Variants in CACNA2D1 observed in about 807,000 individuals in gnomAD.
The protein encoded by CACNA2D1 is calcium voltage-gated channel auxiliary subunit alpha2delta 1, also known as voltage-dependent calcium channel subunit alpha-2/delta-1.
CACNA2D1 carries 53 observed loss-of-function variants against 171.5 expected under a neutral mutation model. The observed-to-expected ratio is 0.31, with a 90% confidence interval of 0.25 to 0.39. CACNA2D1 has a LOEUF of 0.39. Ranked by LOEUF, CACNA2D1 falls within the 10% of genes least tolerant of loss-of-function variation. The pLI, the probability that CACNA2D1 is intolerant of heterozygous loss-of-function variation, is 1.00. For synonymous variants in CACNA2D1, 442 were observed against 443.1 expected (o/e 1.00, Z 0.03); for missense variants, 903 against 1,299.8 (o/e 0.69, Z 4.69).
chr7:82,243,849 T>C (rs977263743), intron 3 of CACNA2D1, among the ~76,000 whole-genome samples: 3 of 152,160 alleles, frequency 2.0e-5, no homozygotes, highest in Non-Finnish European at 4.4e-5. Flanking sequence ...AGCTCTAATT[T>C]TGAATTTTTA....
chr7:82,380,728 T>C (rs1489674031), intron 1 of CACNA2D1, among the ~76,000 whole-genome samples: 1 of 152,118 alleles, frequency 6.6e-6, no homozygotes, highest in Non-Finnish European at 1.5e-5. Flanking sequence ...AGAGTCTTGC[T>C]CTGTCACCCA....
chr7:82,212,022 ATC>A (rs1473296112), intron 3 of CACNA2D1, among the ~76,000 whole-genome samples: 1 of 152,118 alleles, frequency 6.6e-6, no homozygotes, highest in Non-Finnish European at 1.5e-5. Context: ...CCACGTGTAT[ATC>A]TTCTTTTGGG....
At chr7:81,983,450 T>C (rs549858792) in intron 22 of CACNA2D1, 116 bp from the exon 23 acceptor site, 3 of 804,354 alleles carry the variant, frequency 3.7e-6, no homozygotes, top group Non-Finnish European at 4.2e-6. Context: ...ATATTGTGCA[T>C]AGATCAAAGG....
chr7:82,062,063 T>G (rs1047966988), intron 9 of CACNA2D1, among the ~76,000 whole-genome samples: 1 of 152,176 alleles, frequency 6.6e-6, no homozygotes, highest in African/African-American at 2.4e-5. Flanking sequence ...AATTCAAGTT[T>G]CTCTTATCCT....
In CACNA2D1 at chr7:81,970,103, T is replaced by G. The variant is rs37066; in HGVS notation, c.2205-119A>C. The G allele has an allele frequency of 3.7e-3, 2,602 of 709,550 alleles. 52 individuals carry two copies. The highest frequency in any genetic ancestry group is 0.036 in the African/African-American group (2,037 of 56,978). 44.0% of individuals were successfully genotyped at this position (709,550 alleles called of 1,614,324 possible). On this transcript the variant is annotated intron_variant, in intron 27 of 38. Coordinates refer to ENST00000356860, the MANE Select transcript of CACNA2D1 (RefSeq NM_000722.4). ...ACATCTCAGGTATGTCTAAAGAAGT[T>G]AGTGGTAATTGATAGCATAACTGAT...
chr7:82,262,195 G>A (rs1207267361), intron 3 of CACNA2D1, among the ~76,000 whole-genome samples: 2 of 152,152 alleles, frequency 1.3e-5, no homozygotes, highest in Non-Finnish European at 2.9e-5. Context: ...GCCAGGCGTG[G>A]TGGCAGGCAC....
rs147112496 is a variant in CACNA2D1 at position 82,421,655 on chromosome 7, C to T, written c.95+21710G>A. Among the ~76,000 whole-genome samples, 773 of 152,284 alleles carry T rather than the reference C, an allele frequency of 5.1e-3. 3 individuals are homozygous for T. Among genetic ancestry groups the T allele is most frequent in the African/African-American group, 0.017 (724 of 41,548 alleles). On this transcript the variant is annotated intron_variant, in intron 1 of 38. Coordinates refer to ENST00000356860, the MANE Select transcript of CACNA2D1 (RefSeq NM_000722.4). ...ATGAATACAAAGCCACATTTCATCA[C>T]AGTTGATGATTGCCTCCTGCACTAT...
rs1413199773 is a variant in CACNA2D1, at chr7:81,950,313, T to C, written c.*79A>G. On this transcript the variant is annotated 3_prime_UTR_variant, in exon 39 of 39. Transcript: ENST00000356860. The stretch of plus-strand genomic sequence containing the variant: ...GTTTGTCTGATTTTATAGCTGACCC[T>C]ACGTTACTGTAATTGAGGGCAGGGC... The C allele has an allele frequency of 1.2e-6, 2 of 1,611,990 alleles. No homozygotes were observed. The highest frequency in any genetic ancestry group is 1.7e-6 in the Non-Finnish European group (2 of 1,178,744).
At chr7:82,003,204 A>G (rs962474640) in intron 18 of CACNA2D1, among the ~76,000 whole-genome samples, 2 of 152,188 alleles carry the variant, frequency 1.3e-5, no homozygotes, top group Non-Finnish European at 2.9e-5. Context: ...AATTTCAGAA[A>G]TAAAGAATAA....
At chr7:82,108,656 G>T (rs1788030957) in intron 6 of CACNA2D1, among the ~76,000 whole-genome samples, 1 of 152,034 alleles carries the variant, frequency 6.6e-6, no homozygotes, top group East Asian at 1.9e-4. Flanking sequence ...TTGGCATTTG[G>T]GTTGATAAGT....
intron 3 of CACNA2D1, among the ~76,000 whole-genome samples, chr7:82,174,203 A>G (rs975665840): frequency 2.0e-5 from 3 of 151,898 alleles, no homozygotes; most frequent in African/African-American, 7.2e-5. Flanking sequence ...CACTTTTCTG[A>G]TTTATGGCAC....
chr7:82,422,822 A>G lies in CACNA2D1; in HGVS notation c.95+20543T>C, dbSNP rs532504134. Among the ~76,000 whole-genome samples the G allele has an allele frequency of 2.0e-5, 3 of 152,210 alleles. No individual in the cohort carries two copies. The East Asian group carries it at 5.8e-4, about 29-fold the overall frequency. On this transcript the variant is annotated intron_variant, in intron 1 of 38. Coordinates refer to ENST00000356860, the MANE Select transcript of CACNA2D1 (RefSeq NM_000722.4). ...AATCCTACGTGCAACACAGAACATC[A>G]TTGGCAACAGGCTGTCAGAAAAATC... is the stretch of plus-strand genomic sequence containing the variant.
At position 82,052,172 on chromosome 7, in the gene CACNA2D1, G is replaced by A. The variant is rs144952257; in HGVS notation, c.879+8256C>T. On this transcript the variant is annotated intron_variant, in intron 10 of 38. Coordinates refer to ENST00000356860, the MANE Select transcript of CACNA2D1 (RefSeq NM_000722.4). ...CTTTGGATGACCCACATTCTTTTGGGTATGAAGATAAAGAGAAATGCATGA... is the reference window on the plus strand; with the variant it reads ...CTTTGGATGACCCACATTCTTTTGGATATGAAGATAAAGAGAAATGCATGA... 2.3e-3 allele frequency among the ~76,000 whole-genome samples: 350 copies of A among 152,224 alleles called. 1 individual carries two copies. Among genetic ancestry groups the A allele is most frequent in the African/African-American group, 8.1e-3 (337 of 41,516 alleles).
intron 2 of CACNA2D1, among the ~76,000 whole-genome samples, chr7:82,346,399 T>C (rs1819261507): frequency 6.6e-6 from 1 of 152,102 alleles, no homozygotes; most frequent in Non-Finnish European, 1.5e-5. Flanking sequence ...AACAACTCCA[T>C]GAGATTAAAT....
chr7:81,991,823 G>C (rs186831992), intron 20 of CACNA2D1, among the ~76,000 whole-genome samples: 1 of 151,700 alleles, frequency 6.6e-6, no homozygotes, highest in South Asian at 2.1e-4. Context: ...TAGGTATTGC[G>C]ATGGCACATG....
chr7:82,424,087 T>A (rs1280048605), intron 1 of CACNA2D1, among the ~76,000 whole-genome samples: 1 of 152,134 alleles, frequency 6.6e-6, no homozygotes, highest in Non-Finnish European at 1.5e-5. Context: ...CCCTACCCCT[T>A]TAGCACAGTT....
Position 82,005,845 on chromosome 7 carries a change from A to G in CACNA2D1, c.1441-6T>C, listed in dbSNP as rs532460440. 4.6e-5 allele frequency: 73 copies of G among 1,578,176 alleles called. No homozygotes were observed. The East Asian group carries it at 1.6e-3, about 34-fold the overall frequency. On this transcript the variant is annotated splice_polypyrimidine_tract_variant and splice_region_variant and intron_variant, in intron 16 of 38. Coordinates refer to ENST00000356860, the MANE Select transcript of CACNA2D1 (RefSeq NM_000722.4). ...ACACCAAGAATCAGCTGGTTCTATA[A>G]TAAGAGGGCAAAAAATGGCATTTTA...
At chr7:82,245,992 C>T (rs944930700) in intron 3 of CACNA2D1, among the ~76,000 whole-genome samples, 1 of 151,920 alleles carries the variant, frequency 6.6e-6, no homozygotes, top group Non-Finnish European at 1.5e-5. Context: ...GTATAGAGAT[C>T]ATTTGTATTC....
chr7:82,389,635 C>T (rs867861300), intron 1 of CACNA2D1, among the ~76,000 whole-genome samples: 1 of 152,120 alleles, frequency 6.6e-6, no homozygotes, highest in Admixed American at 6.5e-5. Flanking sequence ...GATTCGATGC[C>T]TCATTCTTAC....
Sources: gnomAD v4.1 joint callset for allele counts (sites outside exome capture counted in the v4.1 genomes callset) on GRCh38, gnomAD v4.1.1 for gene constraint, MANE v1.5 for transcripts, NCBI Gene and HGNC (gene_info 2026-07-23, HGNC 2026-07-21) for gene names.